Variants in COG6 observed in about 807,000 individuals in gnomAD.
COG6 encodes the protein component of oligomeric golgi complex 6, also known as conserved oligomeric Golgi complex subunit 6.
COG6 carries 74 observed loss-of-function variants against 88.8 expected under a neutral mutation model. The observed-to-expected ratio is 0.83, with a 90% confidence interval of 0.69 to 1.01. The LOEUF is 1.01. Among genes scored for constraint, COG6 ranks in the 50% least tolerant of loss-of-function variants. COG6 has a pLI of 0.00. For missense variants in COG6, 800 were observed against 797.9 expected, an observed-to-expected ratio of 1.00 and a Z score of -0.03; for synonymous variants, 286 against 278.7, an observed-to-expected ratio of 1.03 and a Z score of -0.26.
intron 1 of COG6, among the ~76,000 whole-genome samples, chr13:39,657,736 T>G (rs1019449881): frequency 6.6e-6 from 1 of 152,190 alleles, no homozygotes; most frequent in Non-Finnish European, 1.5e-5. Flanking sequence ...GAATTTAGTG[T>G]ACAATGGGGA....
chr13:39,702,991 T>C (rs1877667826), intron 13 of COG6, among the ~76,000 whole-genome samples: 1 of 152,148 alleles, frequency 6.6e-6, no homozygotes. Flanking sequence ...TCTTGCACCC[T>C]TGCCATTTTA....
intron 13 of COG6, among the ~76,000 whole-genome samples, chr13:39,702,080 T>C (rs567043949): frequency 3.5e-4 from 53 of 152,128 alleles, no homozygotes; most frequent in Non-Finnish European, 5.7e-4. Context: ...TTTGTGCTAA[T>C]CATCTGAAAA....
At chr13:39,724,084 C>G (rs567240430) in intron 16 of COG6, among the ~76,000 whole-genome samples, 4 of 152,100 alleles carry the variant, frequency 2.6e-5, no homozygotes, top group Admixed American at 6.6e-5. Flanking sequence ...TTAAATGAAG[C>G]TCTTAAAACA....
intron 11 of COG6, among the ~76,000 whole-genome samples, chr13:39,694,312 T>C (rs184936944): frequency 6.6e-6 from 1 of 151,988 alleles, no homozygotes; most frequent in East Asian, 1.9e-4. Flanking sequence ...AGTTGCCTTT[T>C]CAATTTCATA....
intron 18 of COG6, among the ~76,000 whole-genome samples, chr13:39,760,979 T>A (rs1351766236): frequency 6.6e-6 from 1 of 151,840 alleles, no homozygotes; most frequent in African/African-American, 2.4e-5. Flanking sequence ...TAGCCATTCT[T>A]GGCTTTCTGC....
At chr13:39,684,140 G>A (rs910588183) in intron 8 of COG6, among the ~76,000 whole-genome samples, 3 of 151,478 alleles carry the variant, frequency 2.0e-5, no homozygotes, top group African/African-American at 7.3e-5. Context: ...GGCAATCTGG[G>A]AAAAAGCTTG....
intron 17 of COG6, among the ~76,000 whole-genome samples, chr13:39,727,207 T>A (rs942873572): frequency 6.6e-6 from 1 of 152,018 alleles, no homozygotes; most frequent in African/African-American, 2.4e-5. Flanking sequence ...CTTAAAAGCT[T>A]TGTGAGGAAG....
chr13:39,744,388 C>T (rs1034422563), intron 18 of COG6, among the ~76,000 whole-genome samples: 7 of 152,104 alleles, frequency 4.6e-5, no homozygotes, highest in Non-Finnish European at 8.8e-5. Flanking sequence ...CTTACGCTGA[C>T]AAGCAACTTC....
chr13:39,736,432 C>A (rs1879748056), intron 18 of COG6, among the ~76,000 whole-genome samples: 1 of 152,170 alleles, frequency 6.6e-6, no homozygotes, highest in Non-Finnish European at 1.5e-5. Context: ...GTGTCTCACG[C>A]CTGTAATCCC....
At chr13:39,677,396 G>A in intron 4 of COG6, 72 bp from the exon 5 acceptor site, 1 of 843,022 alleles carries the variant, frequency 1.2e-6, no homozygotes, top group Non-Finnish European at 2.1e-6. Flanking sequence ...TTATGTCTGA[G>A]ATAGAATTTG....
intron 17 of COG6, among the ~76,000 whole-genome samples, chr13:39,726,846 A>G (rs1408158106): frequency 6.6e-6 from 1 of 151,960 alleles, no homozygotes; most frequent in Non-Finnish European, 1.5e-5. Context: ...TTTCACTTCA[A>G]ATGTCCTTTC....
chr13:39,788,815 C>A (rs1168476789), exon 19 of COG6: 1 of 154,976 alleles, frequency 6.5e-6, no homozygotes, highest in Non-Finnish European at 1.4e-5. Flanking sequence ...ACTTTTTTCT[C>A]CACCACTCTT....
At chr13:39,680,737 G>A (rs1444685661) in intron 7 of COG6, among the ~76,000 whole-genome samples, 1 of 152,066 alleles carries the variant, frequency 6.6e-6, no homozygotes, top group Admixed American at 6.6e-5. Flanking sequence ...TTCGGCTTGC[G>A]GCCCCTTCCT....
chr13:39,771,867 G>A (rs1346076372), intron 18 of COG6, among the ~76,000 whole-genome samples: 2 of 152,166 alleles, frequency 1.3e-5, no homozygotes, highest in Admixed American at 6.5e-5. Context: ...GGTTCCTGGC[G>A]CTATACTTGG....
intron 18 of COG6, among the ~76,000 whole-genome samples, chr13:39,783,046 A>G (rs1350865379): frequency 6.6e-6 from 1 of 152,198 alleles, no homozygotes; most frequent in Non-Finnish European, 1.5e-5. Context: ...ATAGTTCAGC[A>G]AAAAGTTAAA....
chr13:39,693,174 T>A (rs529220872), intron 11 of COG6, among the ~76,000 whole-genome samples: 1 of 152,102 alleles, frequency 6.6e-6, no homozygotes, highest in South Asian at 2.1e-4. Context: ...CCTTTCTCTG[T>A]TGTATTTTGT....
At chr13:39,743,301 C>A (rs1158312413) in intron 18 of COG6, among the ~76,000 whole-genome samples, 1 of 152,016 alleles carries the variant, frequency 6.6e-6, no homozygotes, top group Non-Finnish European at 1.5e-5. Flanking sequence ...TTAAAAAAAT[C>A]AATGAATCCA....
intron 4 of COG6, among the ~76,000 whole-genome samples, chr13:39,667,354 T>C (rs762772025): frequency 6.6e-6 from 1 of 152,204 alleles, no homozygotes; most frequent in Non-Finnish European, 1.5e-5. Flanking sequence ...CTTTTACCCG[T>C]TGTGTGTTTT....
intron 5 of COG6, chr13:39,678,242 A>G (rs568030239): frequency 4.8e-4 from 153 of 321,774 alleles, no homozygotes; most frequent in Middle Eastern, 2.0e-3. Flanking sequence ...TGATTTTTTA[A>G]TTTTAATTTT....
Sources: gnomAD v4.1 joint callset for allele counts (sites outside exome capture counted in the v4.1 genomes callset) on GRCh38, gnomAD v4.1.1 for gene constraint, MANE v1.5 for transcripts, NCBI Gene and HGNC (gene_info 2026-07-23, HGNC 2026-07-21) for gene names.